The following SIK3 variants were observed in gnomAD, a reference collection of about 807,000 sequenced individuals.
The protein encoded by SIK3 is SIK family kinase 3.
SIK3 carries 28 observed loss-of-function variants against 144.2 expected under a neutral mutation model. The observed-to-expected ratio is 0.19, with a 90% confidence interval of 0.14 to 0.27. SIK3 has a LOEUF of 0.27. Ranked by LOEUF, SIK3 falls within the 10% of genes least tolerant of loss-of-function variation. The probability of loss-of-function intolerance (pLI) is 1.00; values close to 1 mark genes in which losing one functional copy is unlikely to be tolerated. For synonymous variants in SIK3, 686 were observed against 676.3 expected, an observed-to-expected ratio of 1.01 and a Z score of -0.22; for missense variants, 1,319 against 1,776.0, an observed-to-expected ratio of 0.74 and a Z score of 4.62.
rs1943746000 is a variant in SIK3 at position 116,868,014 on chromosome 11, T to C, written c.1884A>G (p.Gln628=). 4 of 1,550,390 alleles carry C rather than the reference T, an allele frequency of 2.6e-6. No homozygotes were observed. Among genetic ancestry groups the C allele is most frequent in the Non-Finnish European group, 3.5e-6 (4 of 1,146,972 alleles). ...GGAAAGGCTGCTGTCCTAGCTGCCGTTGTAGGTCCGGTGGGATCTCAGCTG... is the reference window on the plus strand; with the variant it reads ...GGAAAGGCTGCTGTCCTAGCTGCCGCTGTAGGTCCGGTGGGATCTCAGCTG... ...NPTAEIPPDL[Q]RQLGQQPFRS... is the part of the protein sequence containing the mutation. Residue 628 remains glutamine, a synonymous_variant, in exon 15 of 25, where the codon CAA becomes CAG. Transcript: ENST00000445177.
rs891129995 is a variant in SIK3, at chr11:116,858,896, C to A, written c.2766-197G>T. On this transcript the variant is annotated intron_variant, in intron 20 of 24. Transcript: ENST00000445177. The surrounding 1 kb of genome is among the most constrained non-coding windows in gnomAD (Gnocchi z 5.4). Reference sequence around the variant, plus strand: ...AACCTCCAAGGGACTGAGGGCACTGCGTGGGTAATAGATCTAGCTCATTTT... The same window carrying A: ...AACCTCCAAGGGACTGAGGGCACTGAGTGGGTAATAGATCTAGCTCATTTT... 1.3e-5 allele frequency among the ~76,000 whole-genome samples: 2 copies of A among 152,094 alleles called. No individual in the cohort carries two copies. Among genetic ancestry groups the A allele is most frequent in the African/African-American group, 4.8e-5 (2 of 41,410 alleles).
rs1221955782 is a variant in SIK3, at chr11:116,867,873, G to A, written c.1952+73C>T. ...TAAAGCCACGATGCTAGTCACCGTC[G>A]CTGTGAGACTAATCAGAAGGGTGCC... On this transcript the variant is annotated intron_variant, in intron 15 of 24. Coordinates refer to ENST00000445177, the MANE Select transcript of SIK3 (RefSeq NM_001366686.3). This position sits in a 1 kb window ranked among gnomAD's most constrained non-coding sequence, Gnocchi z 4.1. 10 of 1,391,616 alleles carry A rather than the reference G, an allele frequency of 7.2e-6. No individual in the cohort carries two copies. The highest frequency in any genetic ancestry group is 9.5e-6 in the Non-Finnish European group (10 of 1,049,856). The allele number at this position is 1,391,616 out of a possible 1,614,324, so 86.2% of individuals were successfully genotyped here.
intron 15 of SIK3, chr11:116,865,071 GC>G (rs1943558850): frequency 1.3e-5 from 2 of 152,144 alleles, no homozygotes. Context: ...AATGAATTTG[GC>G]GGGCCACAAT....
At chr11:117,026,841 C>G (rs1484105736) in intron 1 of SIK3, among the ~76,000 whole-genome samples, 2 of 152,058 alleles carry the variant, frequency 1.3e-5, no homozygotes, top group Non-Finnish European at 1.5e-5. Flanking sequence ...ATTGTTTCAC[C>G]CGTCTAAAGG....
chr11:116,925,642 T>C (rs988975467), intron 4 of SIK3, among the ~76,000 whole-genome samples: 3 of 152,238 alleles, frequency 2.0e-5, no homozygotes, highest in Non-Finnish European at 2.9e-5. Context: ...CTAATCAATC[T>C]TTTATTACAG....
intron 6 of SIK3, among the ~76,000 whole-genome samples, chr11:116,894,321 G>A (rs992245303): frequency 1.3e-5 from 2 of 152,046 alleles, no homozygotes; most frequent in Non-Finnish European, 2.9e-5. Flanking sequence ...CTATACACTG[G>A]GGATTCCAAA....
intron 1 of SIK3, among the ~76,000 whole-genome samples, chr11:117,089,154 C>T (rs1203023161): frequency 6.6e-6 from 1 of 151,834 alleles, no homozygotes; most frequent in Non-Finnish European, 1.5e-5. Context: ...GCCTGTAATC[C>T]CAGCACTTTG....
chr11:116,914,112 A>T (rs114130267), intron 4 of SIK3, among the ~76,000 whole-genome samples: 1 of 152,140 alleles, frequency 6.6e-6, no homozygotes, highest in Non-Finnish European at 1.5e-5. Context: ...AACAAACAAA[A>T]AAAAACTTCA....
intron 15 of SIK3, chr11:116,864,781 T>C (rs1486493002): frequency 6.6e-6 from 1 of 152,158 alleles, no homozygotes; most frequent in Non-Finnish European, 1.5e-5. Context: ...TTGGATGAAA[T>C]GATGTGCTAC....
intron 1 of SIK3, among the ~76,000 whole-genome samples, chr11:117,075,627 C>T (rs1168240272): frequency 4.7e-5 from 7 of 150,500 alleles, no homozygotes; most frequent in African/African-American, 1.5e-4. Flanking sequence ...CTGCAAGCTC[C>T]GCCTCCCAGG....
intron 1 of SIK3, among the ~76,000 whole-genome samples, chr11:117,025,042 T>C (rs1951953079): frequency 6.6e-6 from 1 of 152,226 alleles, no homozygotes; most frequent in South Asian, 2.1e-4. Context: ...CCAGTCATAC[T>C]AAAGGGACAC....
At chr11:117,052,470 G>A (rs956409842) in intron 1 of SIK3, among the ~76,000 whole-genome samples, 1 of 152,160 alleles carries the variant, frequency 6.6e-6, no homozygotes, top group African/African-American at 2.4e-5. Flanking sequence ...CCTCTATAAA[G>A]AGTCTATCTC....
intron 4 of SIK3, among the ~76,000 whole-genome samples, chr11:116,916,642 C>A (rs2135016756): frequency 6.6e-6 from 1 of 151,836 alleles, no homozygotes; most frequent in South Asian, 2.1e-4. Context: ...TCCTGAGTAG[C>A]TGGGACTACA....
chr11:116,981,095 A>G (rs1436519389), intron 1 of SIK3, among the ~76,000 whole-genome samples: 3 of 152,212 alleles, frequency 2.0e-5, no homozygotes, highest in Admixed American at 2.0e-4. Context: ...CAATCGATGC[A>G]TATCAAACCA....
At chr11:116,983,444 C>A (rs1487712038) in intron 1 of SIK3, among the ~76,000 whole-genome samples, 1 of 150,430 alleles carries the variant, frequency 6.6e-6, no homozygotes, top group Non-Finnish European at 1.5e-5. Flanking sequence ...GCAAGAGAAT[C>A]GCTTGAACCC....
chr11:117,044,471 A>G (rs1952870395), intron 1 of SIK3, among the ~76,000 whole-genome samples: 1 of 138,920 alleles, frequency 7.2e-6, no homozygotes, highest in South Asian at 2.3e-4. Flanking sequence ...AACTAGACAA[A>G]AAGTAAACTG....
intron 1 of SIK3, among the ~76,000 whole-genome samples, chr11:117,060,132 C>T (rs1182231473): frequency 6.6e-6 from 1 of 152,036 alleles, no homozygotes; most frequent in East Asian, 1.9e-4. Context: ...GGTAAATAAA[C>T]AGTGGAAATC....
intron 15 of SIK3, among the ~76,000 whole-genome samples, chr11:116,865,424 G>A (rs1943580387): frequency 6.6e-6 from 1 of 152,104 alleles, no homozygotes; most frequent in Non-Finnish European, 1.5e-5. Flanking sequence ...TTCTGATGCA[G>A]TTGCTCATTT....
chr11:116,852,632 C>T (rs1942558484), intron 21 of SIK3, among the ~76,000 whole-genome samples: 2 of 152,200 alleles, frequency 1.3e-5, no homozygotes, highest in African/African-American at 2.4e-5. Flanking sequence ...TAAAGTCTAG[C>T]ATGATTTATA....
Sources: allele counts gnomAD v4.1 joint callset (sites outside exome capture counted in the v4.1 genomes callset), GRCh38; gene constraint gnomAD v4.1.1; non-coding constraint Gnocchi (gnomAD v3.1); transcripts MANE v1.5; gene names NCBI Gene and HGNC (gene_info 2026-07-23, HGNC 2026-07-21).